Variants in ADAMTS17 observed in about 807,000 individuals in gnomAD.
ADAMTS17 encodes ADAM metallopeptidase with thrombospondin type 1 motif 17.
Under a neutral mutation model 141.5 loss-of-function variants are expected in ADAMTS17, and 113 were observed. The ratio of observed to expected loss-of-function variants is 0.80; its 90% CI spans 0.69 to 0.93. The LOEUF is 0.93. ADAMTS17 is among the 40% of genes least tolerant of loss of function. The probability of loss-of-function intolerance (pLI) is 0.00; values close to 1 mark genes in which losing one functional copy is unlikely to be tolerated. For synonymous variants in ADAMTS17, 768 were observed against 630.6 expected (o/e 1.22, Z -3.27); for missense variants, 1,659 against 1,517.9 (o/e 1.09, Z -1.54).
intron 10 of ADAMTS17, among the ~76,000 whole-genome samples, chr15:100,141,459 G>C (rs1265090994): frequency 1.3e-5 from 2 of 152,190 alleles, no homozygotes; most frequent in African/African-American, 2.4e-5. Context: ...ATGTGCTGCT[G>C]ATAACACAAG....
intron 2 of ADAMTS17, among the ~76,000 whole-genome samples, chr15:100,336,463 C>T (rs1214049813): frequency 6.6e-6 from 1 of 152,144 alleles, no homozygotes; most frequent in Non-Finnish European, 1.5e-5. Context: ...CCATTCCTGC[C>T]AAAGTGCCCC....
chr15:100,088,135 G>A (rs547304060), intron 15 of ADAMTS17, among the ~76,000 whole-genome samples: 5 of 152,272 alleles, frequency 3.3e-5, no homozygotes, highest in African/African-American at 7.2e-5. Flanking sequence ...GGCAACTTCC[G>A]CAAAGTCTCA....
At chr15:100,185,237 C>A (rs929583421) in intron 8 of ADAMTS17, among the ~76,000 whole-genome samples, 1 of 152,082 alleles carries the variant, frequency 6.6e-6, no homozygotes, top group African/African-American at 2.4e-5. Flanking sequence ...ATGGAGAGAA[C>A]GACAGGAATT....
At position 100,082,766 on chromosome 15, in the gene ADAMTS17, C is replaced by CTTT. The variant is rs71151935; in HGVS notation, c.2137+13587_2137+13589dup. 1.7e-3 allele frequency among the ~76,000 whole-genome samples: 212 copies of CTTT among 123,262 alleles called. 7 individuals carry two copies. Among genetic ancestry groups the CTTT allele is most frequent in the East Asian group, 6.3e-3 (27 of 4,284 alleles). The allele number at this position is 123,262 out of a possible 152,430, so 80.9% of individuals were successfully genotyped here. A position where few individuals can be genotyped will look rare whatever the true frequency, so the allele number is the denominator to read the frequency against. On this transcript the variant is annotated intron_variant, in intron 15 of 21. Coordinates refer to ENST00000268070, the MANE Select transcript of ADAMTS17 (RefSeq NM_139057.4). ...ATTTGAGTTACTTTTTCTCGTTAGT[C>CTTT]TTTTTTTTTTTTTTTTCAGTTCATC...
At chr15:100,131,535 G>A (rs1357107971) in intron 12 of ADAMTS17, among the ~76,000 whole-genome samples, 2 of 152,198 alleles carry the variant, frequency 1.3e-5, no homozygotes, top group South Asian at 4.1e-4. Context: ...AGAAGCCAAA[G>A]AGAAAAAAAC....
chr15:100,114,936 G>C (rs921004503), intron 13 of ADAMTS17, among the ~76,000 whole-genome samples: 2 of 152,370 alleles, frequency 1.3e-5, no homozygotes, highest in South Asian at 4.1e-4. Flanking sequence ...TGGGATTTCT[G>C]TGCTGAATAA....
chr15:100,171,118 T>G (rs750001953), intron 8 of ADAMTS17, among the ~76,000 whole-genome samples: 33 of 152,122 alleles, frequency 2.2e-4, no homozygotes, highest in Non-Finnish European at 4.3e-4. Context: ...CAAAGGCCAG[T>G]TGGAGGAGGG....
intron 3 of ADAMTS17, among the ~76,000 whole-genome samples, chr15:100,284,774 C>T (rs755916579): frequency 4.6e-5 from 7 of 152,206 alleles, no homozygotes; most frequent in Non-Finnish European, 8.8e-5. Context: ...TAATGCTGCA[C>T]AGATGCCAAT....
intron 8 of ADAMTS17, among the ~76,000 whole-genome samples, chr15:100,192,378 G>C (rs960309458): frequency 1.3e-5 from 2 of 152,208 alleles, no homozygotes; most frequent in South Asian, 2.1e-4. Context: ...ATCCCTTCCT[G>C]GGGGGAGGCA....
At position 99,974,212 on chromosome 15, in the gene ADAMTS17, C is replaced by T. The variant is rs2727199; in HGVS notation, c.*190G>A. ...CCTACTTTCTCCTCACTGTAGAAAGCCAGCCAGTGGCTGTTAACAATATAT... is the reference window on the plus strand; with the variant it reads ...CCTACTTTCTCCTCACTGTAGAAAGTCAGCCAGTGGCTGTTAACAATATAT... On this transcript the variant is annotated 3_prime_UTR_variant, in exon 22 of 22. Coordinates refer to ENST00000268070, the MANE Select transcript of ADAMTS17 (RefSeq NM_139057.4). 417,138 of 681,872 alleles carry T rather than the reference C, an allele frequency of 0.61. 130,625 individuals are homozygous for T. Among genetic ancestry groups the T allele is most frequent in the Non-Finnish European group, 0.65 (261,887 of 402,320 alleles). 42.2% of individuals were successfully genotyped at this position (681,872 alleles called of 1,614,324 possible).
At chr15:100,217,990 C>T (rs995985677) in intron 7 of ADAMTS17, among the ~76,000 whole-genome samples, 1 of 152,206 alleles carries the variant, frequency 6.6e-6, no homozygotes, top group African/African-American at 2.4e-5. Flanking sequence ...AGGGCATCCT[C>T]CCACCTCAGC....
intron 15 of ADAMTS17, among the ~76,000 whole-genome samples, chr15:100,064,122 G>A (rs2033342032): frequency 6.6e-6 from 1 of 152,150 alleles, no homozygotes; most frequent in Non-Finnish European, 1.5e-5. Context: ...CTTATAAAAA[G>A]GGGAAGTTTG....
intron 15 of ADAMTS17, among the ~76,000 whole-genome samples, chr15:100,091,597 T>G (rs1187702839): frequency 6.6e-6 from 1 of 152,176 alleles, no homozygotes; most frequent in Non-Finnish European, 1.5e-5. Flanking sequence ...CCCTGTGAAG[T>G]CATTTGTGTC....
chr15:100,062,893 C>T (rs532159825), intron 15 of ADAMTS17, among the ~76,000 whole-genome samples: 1 of 152,158 alleles, frequency 6.6e-6, no homozygotes, highest in African/African-American at 2.4e-5. Flanking sequence ...ACAGCATGTT[C>T]CAAGCCAGGA....
chr15:100,013,108 G>A (rs1236269103), intron 18 of ADAMTS17, among the ~76,000 whole-genome samples: 15 of 152,054 alleles, frequency 9.9e-5, no homozygotes, highest in Admixed American at 9.8e-4. Context: ...TGCCTTCTTG[G>A]TTAGGTATAT....
intron 18 of ADAMTS17, among the ~76,000 whole-genome samples, chr15:100,034,815 A>G (rs1028084914): frequency 6.6e-6 from 1 of 152,224 alleles, no homozygotes; most frequent in African/African-American, 2.4e-5. Flanking sequence ...TCTCTTGGAA[A>G]AGGACCTGAT....
Position 99,999,812 on chromosome 15 carries a change from G to A in ADAMTS17, c.2592-2223C>T, listed in dbSNP as rs534385117. ...ACTGGTCTGAACCAACTGGGGTGGCGCCGGCATCTCTGGCGCTGAGAAGAC... is the reference window on the plus strand; with the variant it reads ...ACTGGTCTGAACCAACTGGGGTGGCACCGGCATCTCTGGCGCTGAGAAGAC... On this transcript the variant is annotated intron_variant, in intron 18 of 21. Transcript: ENST00000268070. Among the ~76,000 whole-genome samples the A allele has an allele frequency of 4.2e-3, 641 of 152,236 alleles. 4 individuals are homozygous for A. Among genetic ancestry groups the A allele is most frequent in the South Asian group, 7.1e-3 (34 of 4,818 alleles).
intron 21 of ADAMTS17, among the ~76,000 whole-genome samples, chr15:99,974,849 C>CACTT (rs755292498): frequency 1.3e-5 from 2 of 152,232 alleles, no homozygotes; most frequent in Non-Finnish European, 2.9e-5. Context: ...AGCTAAGTGG[C>CACTT]ACTTACTATT....
At chr15:100,186,100 G>A (rs1290727511) in intron 8 of ADAMTS17, among the ~76,000 whole-genome samples, 2 of 152,150 alleles carry the variant, frequency 1.3e-5, no homozygotes, top group Non-Finnish European at 2.9e-5. Context: ...AGTGGAGAAG[G>A]GAAGGTCCTG....
Sources: allele counts gnomAD v4.1 joint callset (sites outside exome capture counted in the v4.1 genomes callset), GRCh38; gene constraint gnomAD v4.1.1; transcripts MANE v1.5; gene names NCBI Gene and HGNC (gene_info 2026-07-23, HGNC 2026-07-21).